The following GSK3B variants were observed in gnomAD, a reference collection of about 807,000 sequenced individuals.
The protein encoded by GSK3B is glycogen synthase kinase-3 beta.
Under a neutral mutation model 56.4 loss-of-function variants are expected in GSK3B, and 15 were observed. That is an observed-to-expected ratio of 0.27 (90% confidence interval 0.18 to 0.41). The LOEUF is 0.41. GSK3B is among the 10% of genes least tolerant of loss of function. GSK3B has a pLI of 1.00. For synonymous variants in GSK3B, 181 were observed against 188.9 expected (o/e 0.96, Z 0.34); for missense variants, 300 against 513.4 (o/e 0.58, Z 4.02).
intron 5 of GSK3B, 87 bp downstream of exon 5, chr3:119,915,957 T>C: frequency 1.1e-6 from 1 of 877,124 alleles, no homozygotes; most frequent in Admixed American, 2.4e-5. Context: ...GTGTTTAGGC[T>C]GATATTGCAA....
At chr3:119,994,027 A>C (rs941732240) in intron 2 of GSK3B, among the ~76,000 whole-genome samples, 7 of 151,828 alleles carry the variant, frequency 4.6e-5, no homozygotes, top group Non-Finnish European at 8.8e-5. Flanking sequence ...ATGCCCAGCT[A>C]TTTTTTTCTA....
chr3:119,894,227 A>G (rs2056536749), intron 7 of GSK3B, among the ~76,000 whole-genome samples: 1 of 152,048 alleles, frequency 6.6e-6, no homozygotes, highest in Non-Finnish European at 1.5e-5. Context: ...ATTGCTATAA[A>G]CTTTGCGTAC....
At chr3:120,066,713 C>T (rs1291429149) in intron 1 of GSK3B, among the ~76,000 whole-genome samples, 1 of 152,080 alleles carries the variant, frequency 6.6e-6, no homozygotes, top group Admixed American at 6.6e-5. Flanking sequence ...CCATAAAGGG[C>T]CAGATAGTAA....
At chr3:119,994,778 T>C (rs565162772) in intron 2 of GSK3B, among the ~76,000 whole-genome samples, 2 of 152,284 alleles carry the variant, frequency 1.3e-5, no homozygotes, top group African/African-American at 4.8e-5. Context: ...CTTCCTGGTA[T>C]AGAAGACTAG....
At chr3:119,912,303 C>T (rs567287758) in intron 6 of GSK3B, among the ~76,000 whole-genome samples, 1 of 152,150 alleles carries the variant, frequency 6.6e-6, no homozygotes, top group East Asian at 1.9e-4. Flanking sequence ...CAAACCAAAA[C>T]AATTACAATA....
chr3:119,857,528 A>T (rs1179738486), intron 9 of GSK3B, among the ~76,000 whole-genome samples: 3 of 152,230 alleles, frequency 2.0e-5, no homozygotes, highest in Middle Eastern at 3.2e-3. Flanking sequence ...GCAGCAAATC[A>T]GTCACTTTTC....
intron 1 of GSK3B, among the ~76,000 whole-genome samples, chr3:120,076,184 C>G (rs1213697274): frequency 6.6e-6 from 1 of 152,150 alleles, no homozygotes; most frequent in African/African-American, 2.4e-5. Context: ...GAATCCTCAT[C>G]TTACACCAGA....
chr3:119,964,383 A>G (rs2057300715), intron 2 of GSK3B, among the ~76,000 whole-genome samples: 1 of 152,258 alleles, frequency 6.6e-6, no homozygotes, highest in South Asian at 2.1e-4. Flanking sequence ...ATGAATTGAT[A>G]AGAAAAATGT....
intron 1 of GSK3B, among the ~76,000 whole-genome samples, chr3:120,081,504 G>T (rs972746192): frequency 6.6e-6 from 1 of 152,072 alleles, no homozygotes; most frequent in Non-Finnish European, 1.5e-5. Flanking sequence ...CCAAGATCGC[G>T]CCACTGCACT....
intron 2 of GSK3B, among the ~76,000 whole-genome samples, chr3:119,979,174 A>T (rs1309083091): frequency 2.0e-5 from 3 of 152,170 alleles, no homozygotes; most frequent in African/African-American, 7.2e-5. Flanking sequence ...TAACTTGCAA[A>T]TTCTCAGGAA....
At chr3:119,860,513 CTCTA>C (rs2108029870) in intron 9 of GSK3B, among the ~76,000 whole-genome samples, 1 of 152,252 alleles carries the variant, frequency 6.6e-6, no homozygotes, top group East Asian at 1.9e-4. Context: ...TCTCTCCTTC[CTCTA>C]TCTGAATATG....
chr3:119,945,071 C>G (rs1447789044), intron 3 of GSK3B, among the ~76,000 whole-genome samples: 1 of 152,174 alleles, frequency 6.6e-6, no homozygotes, highest in East Asian at 1.9e-4. Context: ...ATATCTTAGT[C>G]CTGCCAGAAC....
chr3:120,033,573 G>A (rs1315072576), intron 1 of GSK3B, among the ~76,000 whole-genome samples: 1 of 152,136 alleles, frequency 6.6e-6, no homozygotes, highest in African/African-American at 2.4e-5. Flanking sequence ...GGCTAATGAT[G>A]TTGAGCATCT....
chr3:120,059,901 T>A (rs1447279811), intron 1 of GSK3B, among the ~76,000 whole-genome samples: 1 of 152,242 alleles, frequency 6.6e-6, no homozygotes, highest in Non-Finnish European at 1.5e-5. Flanking sequence ...ACACTTAGAA[T>A]AAATTTCACT....
chr3:119,967,315 A>T (rs1319946603), intron 2 of GSK3B, among the ~76,000 whole-genome samples: 1 of 152,058 alleles, frequency 6.6e-6, no homozygotes, highest in African/African-American at 2.4e-5. Flanking sequence ...TGATCTCATG[A>T]TATGTCCGCC....
chr3:120,093,016 G>A (rs1034986441), intron 1 of GSK3B, among the ~76,000 whole-genome samples: 2 of 152,134 alleles, frequency 1.3e-5, no homozygotes, highest in Non-Finnish European at 2.9e-5. Context: ...TAAAGGATGG[G>A]CAAGTAAACA....
chr3:120,084,180 T>C (rs1006280879), intron 1 of GSK3B, among the ~76,000 whole-genome samples: 1 of 152,202 alleles, frequency 6.6e-6, no homozygotes, highest in Non-Finnish European at 1.5e-5. Flanking sequence ...TGTTTCTACA[T>C]AGAATACTGT....
chr3:120,014,348 A>C (rs1371663514), intron 1 of GSK3B, among the ~76,000 whole-genome samples: 1 of 152,094 alleles, frequency 6.6e-6, no homozygotes, highest in Non-Finnish European at 1.5e-5. Flanking sequence ...AGAAACAAGA[A>C]AACAACATAA....
At chr3:120,056,929 G>GGCC (rs2058196136) in intron 1 of GSK3B, among the ~76,000 whole-genome samples, 1 of 152,110 alleles carries the variant, frequency 6.6e-6, no homozygotes, top group South Asian at 2.1e-4. Context: ...GGTCACTGGA[G>GGCC]GCCAGTAGCT....
Sources: allele counts gnomAD v4.1 joint callset (sites outside exome capture counted in the v4.1 genomes callset), GRCh38; gene constraint gnomAD v4.1.1; transcripts MANE v1.5; gene names NCBI Gene and HGNC (gene_info 2026-07-23, HGNC 2026-07-21).